DUX4: variants seen among roughly 807,000 people sequenced by gnomAD.
DUX4 encodes the protein double homeobox protein 4.
intron 1 of DUX4, among the ~76,000 whole-genome samples, chr4:190,181,605 A>T (rs1742585453): frequency 2.7e-4 from 4 of 14,678 alleles, no homozygotes; most frequent in African/African-American, 3.3e-4. Context: ...CACCTGGGTG[A>T]TCAGTGCAGA....
downstream of DUX4, among the ~76,000 whole-genome samples, chr4:190,177,870 ATGT>A (rs1742392111): frequency 1.4e-5 from 2 of 145,402 alleles, no homozygotes; most frequent in Non-Finnish European, 3.1e-5. Context: ...ATATGTCACA[ATGT>A]CCCTGTAGCC....
chr4:190,177,144 C>A (rs1284893384), downstream of DUX4, among the ~76,000 whole-genome samples: 46 of 73,240 alleles, frequency 6.3e-4, no homozygotes, highest in Admixed American at 1.1e-3. Flanking sequence ...AGAGAGTGGA[C>A]AAGAGTTACA....
chr4:190,183,021 TGGTTAGGGTTAGG>T (rs1382674261), intron 1 of DUX4, among the ~76,000 whole-genome samples: 6 of 28,658 alleles, frequency 2.1e-4, no homozygotes, highest in South Asian at 3.3e-3. Flanking sequence ...TTAGGGTTAC[TGGTTAGGGTTAGG>T]GGTTAGGGTT....
intron 1 of DUX4, among the ~76,000 whole-genome samples, chr4:190,182,369 AGTTAGG>A (rs1201567574): frequency 7.3e-4 from 40 of 54,748 alleles, no homozygotes; most frequent in African/African-American, 1.7e-3. Context: ...TCAGGTTAAG[AGTTAGG>A]GTTAGGGTTA....
At chr4:190,177,738 C>T (rs1579833219), downstream of DUX4, among the ~76,000 whole-genome samples, 33 of 149,876 alleles carry the variant, frequency 2.2e-4, no homozygotes, top group East Asian at 7.9e-4. Flanking sequence ...TCACAATGCC[C>T]CTGTAGGCAG....
At chr4:190,183,772 G>T (rs2126587367) in intron 1 of DUX4, among the ~76,000 whole-genome samples, 1 of 116,382 alleles carries the variant, frequency 8.6e-6, no homozygotes, top group African/African-American at 2.6e-5. Context: ...GAGATCTACA[G>T]ATTTGATTCT....
chr4:190,176,483 C>T (rs1470648564), downstream of DUX4, among the ~76,000 whole-genome samples: 2 of 109,322 alleles, frequency 1.8e-5, no homozygotes, highest in African/African-American at 5.4e-5. Flanking sequence ...CCTAGGTTAT[C>T]AGTGCAGAGA....
At position 190,175,271 on chromosome 4, in the gene DUX4, C is replaced by A. The variant is rs1448790993; in HGVS notation, c.*223C>A. On this transcript the variant is annotated 3_prime_UTR_variant, in exon 1 of 2. Transcript: ENST00000565211. ...GCATCCCGGGGATCCCAGAGCCGGC[C>A]CAGGTACCAGCAGGTGGGCCGCCTA... The A allele has an allele frequency of 4.1e-4, 52 of 126,448 alleles. No homozygotes were observed. The East Asian group carries it at 4.5e-3, about 11-fold the overall frequency. 7.8% of individuals were successfully genotyped at this position (126,448 alleles called of 1,614,324 possible). A position where few individuals can be genotyped will look rare whatever the true frequency, so the allele number is the denominator to read the frequency against.
downstream of DUX4, among the ~76,000 whole-genome samples, chr4:190,179,310 A>ATTGTAGG (rs1742486397): frequency 3.3e-4 from 1 of 3,068 alleles, no homozygotes; most frequent in Non-Finnish European, 7.2e-4. Context: ...TCACAATGCC[A>ATTGTAGG]CTGTAGGCAG....
At chr4:190,181,287 TGCCGCCAGTAGGCAGAGCCTAAAGAAGAG>T (rs1742561580) in intron 1 of DUX4, among the ~76,000 whole-genome samples, 1 of 105,034 alleles carries the variant, frequency 9.5e-6, no homozygotes. Flanking sequence ...TATGTGACAA[TGCCGCCAGTAGGCAGAGCCTAAAGAAGAG>T]TCCCATCCCC....
At chr4:190,176,185 A>G (rs1742296341), downstream of DUX4, among the ~76,000 whole-genome samples, 2 of 112,130 alleles carry the variant, frequency 1.8e-5, 1 homozygote, top group Non-Finnish European at 4.2e-5. Context: ...CCAAACCTTG[A>G]CAAGGGTTAC....
chr4:190,180,129 G>A (rs1289530823), downstream of DUX4, among the ~76,000 whole-genome samples: 52 of 22,644 alleles, frequency 2.3e-3, no homozygotes, highest in African/African-American at 3.0e-3. Flanking sequence ...AATGCCGCCA[G>A]TAGGCAGAGC....
chr4:190,179,006 GATGATTAGTGCAGA>G (rs1742470936), downstream of DUX4, among the ~76,000 whole-genome samples: 1 of 136,440 alleles, frequency 7.3e-6, no homozygotes, highest in African/African-American at 2.6e-5. Flanking sequence ...CCATCACCTG[GATGATTAGTGCAGA>G]GTTATGTCAC....
chr4:190,176,912 A>C (rs1742329161), downstream of DUX4, among the ~76,000 whole-genome samples: 1 of 133,062 alleles, frequency 7.5e-6, no homozygotes, highest in African/African-American at 2.5e-5. Context: ...GATATGTCAC[A>C]AAAATCCCTG....
At chr4:190,176,803 G>C (rs1742322527), downstream of DUX4, among the ~76,000 whole-genome samples, 1 of 131,576 alleles carries the variant, frequency 7.6e-6, no homozygotes, top group Admixed American at 8.4e-5. Flanking sequence ...GCCTAGACAA[G>C]AGTTGAATCA....
chr4:190,178,305 G>C (rs1742416976), downstream of DUX4, among the ~76,000 whole-genome samples: 1,733 of 126,208 alleles, frequency 0.014, 1 homozygote, highest in Non-Finnish European at 0.019. Context: ...GCAGAGCACA[G>C]AGAAGAGTTG....
rs1579836965 is a variant in DUX4, at chr4:190,181,217, C to A, written n.93-4124C>A. On this transcript the variant is annotated intron_variant and non_coding_transcript_variant, in intron 1 of 2. Transcript: ENST00000563716. ...GGGTGATCAGTGCAGAGATATGTCA[C>A]ATTGCCCCCATAGGCAAATCCAAGA... Among the ~76,000 whole-genome samples, 491 of 139,418 alleles carry A rather than the reference C, an allele frequency of 3.5e-3. 2 individuals are homozygous for A. The highest frequency in any genetic ancestry group is 6.6e-3 in the South Asian group (27 of 4,104). The allele number at this position is 139,418 out of a possible 152,430, so 91.5% of individuals were successfully genotyped here.
chr4:190,178,208 T>A (rs879140819), downstream of DUX4, among the ~76,000 whole-genome samples: 17 of 151,648 alleles, frequency 1.1e-4, no homozygotes, highest in Admixed American at 4.6e-4. Context: ...CAGAGATATG[T>A]CACAATGCCC....
downstream of DUX4, among the ~76,000 whole-genome samples, chr4:190,177,148 A>G (rs1447565166): frequency 0.021 from 2,364 of 111,896 alleles, no homozygotes; most frequent in South Asian, 0.037. Flanking sequence ...AGTGGACAAG[A>G]GTTACATCAC....
Sources: gnomAD v4.1 joint callset for allele counts (sites outside exome capture counted in the v4.1 genomes callset) on GRCh38, gnomAD v4.1.1 for gene constraint, MANE v1.5 for transcripts, NCBI Gene and HGNC (gene_info 2026-07-23, HGNC 2026-07-21) for gene names.